The following MYO3A variants were observed in gnomAD, a reference collection of about 807,000 sequenced individuals.
The protein encoded by MYO3A is myosin IIIA, also known as myosin-IIIa.
Under a neutral mutation model 192.7 loss-of-function variants are expected in MYO3A, and 180 were observed. The ratio of observed to expected loss-of-function variants is 0.93; its 90% confidence interval spans 0.83 to 1.06. The LOEUF is 1.06. MYO3A is among the 50% of genes least tolerant of loss of function. The pLI, the probability that MYO3A is intolerant of heterozygous loss-of-function variation, is 0.00. For missense variants in MYO3A, 1,896 were observed against 1,905.0 expected, an observed-to-expected ratio of 1.00 and a Z score of 0.09; for synonymous variants, 628 against 645.3, an observed-to-expected ratio of 0.97 and a Z score of 0.41.
chr10:26,077,686 T>TCTG (rs2131437846), intron 14 of MYO3A, among the ~76,000 whole-genome samples: 1 of 152,152 alleles, frequency 6.6e-6, no homozygotes, highest in African/African-American at 2.4e-5. Flanking sequence ...TGCTAATTTT[T>TCTG]CTGAGAGTTT....
chr10:26,049,330 G>A (rs901116721), intron 10 of MYO3A, among the ~76,000 whole-genome samples: 6 of 152,152 alleles, frequency 3.9e-5, no homozygotes, highest in African/African-American at 1.4e-4. Flanking sequence ...GAGAGGTGGA[G>A]GTGAGAGACA....
chr10:26,043,860 T>G (rs554677892), intron 10 of MYO3A, among the ~76,000 whole-genome samples: 1 of 152,214 alleles, frequency 6.6e-6, no homozygotes, highest in Non-Finnish European at 1.5e-5. Flanking sequence ...CCTTTACTTT[T>G]CCCTCTGCTT....
At chr10:26,141,730 G>A (rs917815449) in intron 20 of MYO3A, among the ~76,000 whole-genome samples, 2 of 152,186 alleles carry the variant, frequency 1.3e-5, no homozygotes, top group African/African-American at 2.4e-5. Context: ...TACAAAAGCT[G>A]TGAAACTTCA....
At chr10:26,177,440 T>C (rs1589085333) in intron 31 of MYO3A, among the ~76,000 whole-genome samples, 1 of 152,178 alleles carries the variant, frequency 6.6e-6, no homozygotes, top group East Asian at 1.9e-4. Context: ...GAAGTTACTG[T>C]TGGGACACTC....
chr10:26,016,633 A>G (rs564819061), intron 6 of MYO3A, among the ~76,000 whole-genome samples, 187 bp from the exon 7 acceptor site: 10 of 152,348 alleles, frequency 6.6e-5, no homozygotes, highest in African/African-American at 2.4e-4. Flanking sequence ...AAGAGAAAGT[A>G]GGAGCACCAT....
At chr10:26,111,673 A>T (rs1838190165) in intron 17 of MYO3A, among the ~76,000 whole-genome samples, 1 of 152,236 alleles carries the variant, frequency 6.6e-6, no homozygotes, top group South Asian at 2.1e-4. Context: ...TTTGGGATTC[A>T]GTCAATAAAG....
chr10:25,969,066 C>T (rs1179931194), intron 4 of MYO3A, among the ~76,000 whole-genome samples: 2 of 152,136 alleles, frequency 1.3e-5, no homozygotes, highest in African/African-American at 4.8e-5. Flanking sequence ...GGTGAAACCC[C>T]ATCTCTACTA....
chr10:26,175,563 C>T (rs6650135), intron 30 of MYO3A, among the ~76,000 whole-genome samples: 18,802 of 152,212 alleles, frequency 0.12, 1,326 homozygotes, highest in African/African-American at 0.17. Context: ...ATGAGAAACA[C>T]GATAACTGCA....
At chr10:26,046,449 A>G (rs1014090631) in intron 10 of MYO3A, among the ~76,000 whole-genome samples, 12 of 152,208 alleles carry the variant, frequency 7.9e-5, no homozygotes, top group African/African-American at 2.9e-4. Flanking sequence ...CATGTTGTAC[A>G]ACTCCAGGAG....
intron 11 of MYO3A, among the ~76,000 whole-genome samples, chr10:26,067,722 C>T (rs558852967): frequency 1.8e-4 from 27 of 152,304 alleles, no homozygotes; most frequent in Admixed American, 3.9e-4. Flanking sequence ...AAATTCTAGT[C>T]TCAGCCTACT....
intron 17 of MYO3A, among the ~76,000 whole-genome samples, chr10:26,107,860 G>A (rs556863734): frequency 5.9e-5 from 9 of 152,072 alleles, no homozygotes; most frequent in East Asian, 3.9e-4. Flanking sequence ...TTACCCATCC[G>A]ATAAATGTTT....
In MYO3A at chr10:26,070,544, G is replaced by T. The variant is rs563155802; in HGVS notation, c.1359+143G>T. 1.8e-5 allele frequency: 14 copies of T among 796,462 alleles called. No individual in the cohort carries two copies. In the East Asian group the frequency reaches 3.8e-4, roughly 21 times the overall value. The allele number at this position is 796,462 out of a possible 1,614,324, so 49.3% of individuals were successfully genotyped here. A position where few individuals can be genotyped will look rare whatever the true frequency, so the allele number is the denominator to read the frequency against. ...AAAATACAGTTGTTATCCTTTGAGA[G>T]TTTAAAATAATGAGCAATATGAAAA... On this transcript the variant is annotated intron_variant, in intron 14 of 34. Coordinates refer to ENST00000642920, the MANE Select transcript of MYO3A (RefSeq NM_017433.5).
At chr10:26,076,427 A>AT (rs1040536732) in intron 14 of MYO3A, among the ~76,000 whole-genome samples, 17 of 151,434 alleles carry the variant, frequency 1.1e-4, no homozygotes, top group African/African-American at 3.4e-4. Flanking sequence ...GATTGTGAAG[A>AT]TTTTTTTTCC....
intron 10 of MYO3A, among the ~76,000 whole-genome samples, chr10:26,032,538 C>A (rs930542327): frequency 1.3e-5 from 2 of 151,966 alleles, no homozygotes; most frequent in African/African-American, 4.8e-5. Flanking sequence ...ATCGCTTGAA[C>A]CAGGGAGGCG....
intron 14 of MYO3A, among the ~76,000 whole-genome samples, chr10:26,076,046 A>G (rs531981030): frequency 6.6e-6 from 1 of 151,968 alleles, no homozygotes; most frequent in South Asian, 2.1e-4. Flanking sequence ...TGGGAGTTCT[A>G]CTTTCAGTTC....
chr10:26,136,088 G>T (rs1306406771), intron 20 of MYO3A, among the ~76,000 whole-genome samples: 2 of 151,564 alleles, frequency 1.3e-5, no homozygotes, highest in African/African-American at 4.8e-5. Context: ...TCTGGAATTT[G>T]AGTATATCAC....
rs565149223 is a variant in MYO3A, at chr10:26,182,481, G to A, written c.4438+5636G>A. Among the ~76,000 whole-genome samples, 6 of 152,260 alleles carry A rather than the reference G, an allele frequency of 3.9e-5. No individual in the cohort carries two copies. The East Asian group carries it at 9.6e-4, about 24-fold the overall frequency. On this transcript the variant is annotated intron_variant, in intron 31 of 34. Coordinates refer to ENST00000642920, the MANE Select transcript of MYO3A (RefSeq NM_017433.5). ...TATCTATGTGTTATGAAGTATGAGC[G>A]GAGGGAAAGAAAAAAACAAATGTTG... is the stretch of plus-strand genomic sequence containing the variant.
chr10:25,995,479 T>C (rs1250921423), intron 4 of MYO3A, among the ~76,000 whole-genome samples: 2 of 152,234 alleles, frequency 1.3e-5, no homozygotes, highest in Non-Finnish European at 2.9e-5. Flanking sequence ...AGAAGTTTGA[T>C]CCTCTGTAGC....
chr10:26,199,368 C>T (rs1174214313), intron 32 of MYO3A, among the ~76,000 whole-genome samples: 11 of 152,020 alleles, frequency 7.2e-5, no homozygotes, highest in Non-Finnish European at 1.5e-4. Context: ...GCCTGGGGAA[C>T]ATAGCGAAAC....
Sources: gnomAD v4.1 joint callset for allele counts (sites outside exome capture counted in the v4.1 genomes callset) on GRCh38, gnomAD v4.1.1 for gene constraint, MANE v1.5 for transcripts, NCBI Gene and HGNC (gene_info 2026-07-23, HGNC 2026-07-21) for gene names.